Variants in WDR76 observed in about 807,000 individuals in gnomAD.
WDR76 encodes the protein WD repeat-containing protein 76.
In WDR76, 52 loss-of-function variants were observed where a neutral mutation model predicts 70.2. That is an observed-to-expected ratio of 0.74 (90% CI 0.59 to 0.93). WDR76 has a LOEUF of 0.93. Ranked by LOEUF, WDR76 falls within the 40% of genes least tolerant of loss-of-function variation. The pLI is 0.00. For missense variants in WDR76, 756 were observed against 760.2 expected (o/e 0.99, Z 0.07); for synonymous variants, 292 against 271.1 (o/e 1.08, Z -0.76).
At chr15:43,855,948 G>A (rs74575861) in intron 9 of WDR76, among the ~76,000 whole-genome samples, 1 of 151,874 alleles carries the variant, frequency 6.6e-6, no homozygotes, top group Non-Finnish European at 1.5e-5. Flanking sequence ...AGTAACCGTT[G>A]TTGCATATCT....
intron 7 of WDR76, 112 bp downstream of exon 7, chr15:43,842,783 C>A (rs959943071): frequency 6.0e-6 from 6 of 996,114 alleles, no homozygotes; most frequent in Non-Finnish European, 8.9e-6. Context: ...TCCACCCTAA[C>A]AACTGTTGTT....
intron 9 of WDR76, among the ~76,000 whole-genome samples, chr15:43,853,200 T>A (rs1348199099): frequency 2.0e-5 from 3 of 151,856 alleles, no homozygotes. Context: ...TACTTATTTT[T>A]ATTTTTTGAG....
rs1208492940 is a variant in WDR76, at chr15:43,853,157, G to C, written c.1191+1912G>C. 3.3e-5 allele frequency among the ~76,000 whole-genome samples: 5 copies of C among 152,172 alleles called. No individual in the cohort carries two copies. The East Asian group carries it at 9.7e-4, about 29-fold the overall frequency. On this transcript the variant is annotated intron_variant, in intron 9 of 12. Coordinates refer to ENST00000263795, the MANE Select transcript of WDR76 (RefSeq NM_024908.4). ...ACCCACCTTGGCCTCCCAAAGTCTT[G>C]GGATTACAGGTGTGAGCCACCACGC...
Position 43,841,155 on chromosome 15 carries a change from G to C in WDR76, c.733-1260G>C, listed in dbSNP as rs1295278227. Among the ~76,000 whole-genome samples, 3 of 150,878 alleles carry C rather than the reference G, an allele frequency of 2.0e-5. No individual in the cohort carries two copies. In the South Asian group the frequency reaches 6.3e-4, roughly 32 times the overall value. On this transcript the variant is annotated intron_variant, in intron 5 of 12. Transcript: ENST00000263795. ...CATGCCTGAGCCTCCAGAGTAGCTG[G>C]GACTGTAGGTGTGTGCTACCACGCC...
intron 9 of WDR76, among the ~76,000 whole-genome samples, chr15:43,852,818 C>T (rs1203942551): frequency 6.6e-6 from 1 of 152,160 alleles, no homozygotes; most frequent in Admixed American, 6.5e-5. Flanking sequence ...GCATAATATG[C>T]CATTGTATGG....
intron 8 of WDR76, among the ~76,000 whole-genome samples, chr15:43,849,610 C>T (rs939968199): frequency 6.6e-6 from 1 of 152,096 alleles, no homozygotes; most frequent in Non-Finnish European, 1.5e-5. Context: ...GCAATCTTGG[C>T]TCACTGCAAC....
chr15:43,859,345 GAACAAAA>G (rs905597955), intron 11 of WDR76, among the ~76,000 whole-genome samples: 1 of 151,972 alleles, frequency 6.6e-6, no homozygotes, highest in Non-Finnish European at 1.5e-5. Context: ...TAAACCAATC[GAACAAAA>G]AACAGAAAAC....
At position 43,839,722 on chromosome 15, in the gene WDR76, T is replaced by A. The variant is rs766648396; in HGVS notation, c.726T>A (p.Asp242Glu). The A allele has an allele frequency of 1.2e-6, 2 of 1,604,922 alleles. No homozygotes were observed. The highest frequency in any genetic ancestry group is 1.7e-6 in the Non-Finnish European group (2 of 1,175,840). The change falls in exon 5 of 13, where the codon GAT (aspartate) becomes GAA (glutamate). Residue 242 changes from aspartate (D) to glutamate (E), a missense_variant. By Grantham distance (45) the Asp-to-Glu change is conservative. Transcript: ENST00000263795. ...AAPTPPTLVADETPLLPPGPL... is the reference protein window; with the variant it reads ...AAPTPPTLVAEETPLLPPGPL... The stretch of plus-strand genomic sequence containing the variant: ...CAACACCGCCGACATTAGTAGCAGA[T>A]GAAACTGTAAGGAAATGTGCAAATA...
chr15:43,845,568 G>A (rs1456213350), intron 8 of WDR76, among the ~76,000 whole-genome samples: 1 of 150,184 alleles, frequency 6.7e-6, no homozygotes, highest in Non-Finnish European at 1.5e-5. Flanking sequence ...ATAAAATGCT[G>A]CTGTTGATAA....
intron 8 of WDR76, among the ~76,000 whole-genome samples, chr15:43,847,667 C>A (rs934634071): frequency 2.0e-5 from 3 of 152,040 alleles, no homozygotes; most frequent in Admixed American, 2.0e-4. Context: ...GTAATCCACC[C>A]GCCTCGGCCT....
intron 12 of WDR76, among the ~76,000 whole-genome samples, chr15:43,864,697 C>T (rs1240202156): frequency 6.6e-6 from 1 of 151,686 alleles, no homozygotes; most frequent in African/African-American, 2.4e-5. Flanking sequence ...TGGGTTCAAG[C>T]AGTTCTCGTG....
chr15:43,835,309 G>A (rs916161070), intron 3 of WDR76, among the ~76,000 whole-genome samples, 159 bp downstream of exon 3: 14 of 38,754 alleles, frequency 3.6e-4, no homozygotes, highest in African/African-American at 1.4e-3. Context: ...CCCGCCCCCC[G>A]CCCCCCACCC....
chr15:43,857,568 C>T, intron 10 of WDR76: 1 of 982,128 alleles, frequency 1.0e-6, no homozygotes, highest in East Asian at 1.1e-4. Flanking sequence ...GCCTGTAATC[C>T]CAGCCCTTTG....
intron 5 of WDR76, among the ~76,000 whole-genome samples, 187 bp from the exon 6 acceptor site, chr15:43,842,228 A>G (rs1415348156): frequency 1.4e-4 from 22 of 152,148 alleles, no homozygotes; most frequent in South Asian, 2.1e-4. Context: ...AATACATGTT[A>G]TTATTACTTT....
intron 9 of WDR76, among the ~76,000 whole-genome samples, chr15:43,851,618 TACTC>T (rs958037101): frequency 6.6e-6 from 1 of 152,190 alleles, no homozygotes; most frequent in African/African-American, 2.4e-5. Context: ...TAAAATAACT[TACTC>T]TTCTGTTTTT....
chr15:43,827,441 G>T (rs2141718380), intron 1 of WDR76, among the ~76,000 whole-genome samples: 1 of 152,314 alleles, frequency 6.6e-6, no homozygotes, highest in East Asian at 1.9e-4. Flanking sequence ...AAACTTATGG[G>T]CAAATGTGCC....
intron 8 of WDR76, among the ~76,000 whole-genome samples, chr15:43,849,827 C>T (rs547338640): frequency 2.0e-5 from 3 of 152,298 alleles, no homozygotes; most frequent in African/African-American, 7.2e-5. Flanking sequence ...AGCCACCGCG[C>T]CTGGCCTGGA....
chr15:43,827,742 T>G (rs957506460), intron 1 of WDR76, among the ~76,000 whole-genome samples: 5 of 152,134 alleles, frequency 3.3e-5, no homozygotes, highest in African/African-American at 1.2e-4. Flanking sequence ...ACAGGTGGTT[T>G]CATTATGTTA....
At chr15:43,858,495 C>A in intron 10 of WDR76, 176 bp from the exon 11 acceptor site, 1 of 674,808 alleles carries the variant, frequency 1.5e-6, no homozygotes, top group South Asian at 2.2e-5. Context: ...ATCCACCTGC[C>A]TCCACCTCCC....
Sources: gnomAD v4.1 joint callset for allele counts (sites outside exome capture counted in the v4.1 genomes callset) on GRCh38, gnomAD v4.1.1 for gene constraint, MANE v1.5 for transcripts, NCBI Gene and HGNC (gene_info 2026-07-23, HGNC 2026-07-21) for gene names.